Variants in PBX3 observed in about 807,000 individuals in gnomAD.
PBX3 encodes PBX homeobox 3, also known as pre-B-cell leukemia transcription factor 3.
A neutral mutation model predicts 48.5 loss-of-function variants in PBX3; 14 were observed. The ratio of observed to expected loss-of-function variants is 0.29; its 90% CI spans 0.19 to 0.45. The LOEUF is 0.45. Ranked by LOEUF, PBX3 falls within the 20% of genes least tolerant of loss-of-function variation. The pLI, the probability that PBX3 is intolerant of heterozygous loss-of-function variation, is 1.00. For missense variants in PBX3, 386 were observed against 546.7 expected, an observed-to-expected ratio of 0.71 and a Z score of 2.93; for synonymous variants, 210 against 200.3, an observed-to-expected ratio of 1.05 and a Z score of -0.41.
At chr9:125,833,032 G>A (rs1401672531) in intron 2 of PBX3, among the ~76,000 whole-genome samples, 1 of 152,184 alleles carries the variant, frequency 6.6e-6, no homozygotes, top group East Asian at 1.9e-4. Flanking sequence ...CAGCATCTGT[G>A]TAATCTTAAC....
intron 2 of PBX3, among the ~76,000 whole-genome samples, chr9:125,897,928 C>T (rs10819083): frequency 0.61 from 91,830 of 151,628 alleles, 28,910 homozygotes; most frequent in East Asian, 0.76. Context: ...AATTAAGATA[C>T]TAATGCGACT....
At chr9:125,823,863 G>C (rs1173140120) in intron 2 of PBX3, among the ~76,000 whole-genome samples, 1 of 152,166 alleles carries the variant, frequency 6.6e-6, no homozygotes, top group Middle Eastern at 3.4e-3. Flanking sequence ...ATGACTTGAG[G>C]TCAGGAGTTC....
intron 2 of PBX3, among the ~76,000 whole-genome samples, chr9:125,792,205 G>T (rs1837634363): frequency 1.3e-5 from 2 of 152,202 alleles, no homozygotes; most frequent in Non-Finnish European, 2.9e-5. Flanking sequence ...AGGAAGTCAG[G>T]AAAGGCTGCA....
In PBX3 at chr9:125,824,709, C is replaced by CTT. The variant is rs747826192; in HGVS notation, c.274+76099_274+76100dup. Among the ~76,000 whole-genome samples the CTT allele has an allele frequency of 4.9e-4, 68 of 139,912 alleles. 1 individual carries two copies. In the South Asian group the frequency reaches 8.9e-3, roughly 18 times the overall value. The allele number at this position is 139,912 out of a possible 152,430, so 91.8% of individuals were successfully genotyped here. ...GAATTACATTTGATGAATCAGTTGG[C>CTT]TTTTTTTTTTTTTTAAATACTCATT... On this transcript the variant is annotated intron_variant, in intron 2 of 8. Coordinates refer to ENST00000373489, the MANE Select transcript of PBX3 (RefSeq NM_006195.6).
At chr9:125,928,836 T>A (rs575530963) in intron 3 of PBX3, among the ~76,000 whole-genome samples, 54 of 152,264 alleles carry the variant, frequency 3.5e-4, no homozygotes, top group African/African-American at 1.1e-3. Context: ...CCTTGAAGAG[T>A]TGAGCTGCTT....
chr9:125,840,427 A>G (rs1351328552), intron 2 of PBX3, among the ~76,000 whole-genome samples: 1 of 151,022 alleles, frequency 6.6e-6, no homozygotes. Context: ...GTAGTAACAT[A>G]TTTTTTTCTG....
At chr9:125,835,459 G>T (rs1029973490) in intron 2 of PBX3, among the ~76,000 whole-genome samples, 1 of 151,980 alleles carries the variant, frequency 6.6e-6, no homozygotes, top group Non-Finnish European at 1.5e-5. Flanking sequence ...GTATTTGCAA[G>T]CTATTTAATT....
At chr9:125,766,608 A>G (rs985516212) in intron 2 of PBX3, among the ~76,000 whole-genome samples, 1 of 152,130 alleles carries the variant, frequency 6.6e-6, no homozygotes. Context: ...AGTACATTAT[A>G]ATGAAATCTT....
chr9:125,899,279 G>A (rs61548101), intron 2 of PBX3, among the ~76,000 whole-genome samples: 604 of 29,796 alleles, frequency 0.02, 15 homozygotes, highest in East Asian at 0.18. Flanking sequence ...ATATACATAT[G>A]TATATATATT....
chr9:125,794,886 C>T (rs1837731805), intron 2 of PBX3, among the ~76,000 whole-genome samples: 1 of 152,142 alleles, frequency 6.6e-6, no homozygotes, highest in African/African-American at 2.4e-5. Flanking sequence ...GGCTAGGCAA[C>T]CCTTCCATTA....
intron 2 of PBX3, among the ~76,000 whole-genome samples, chr9:125,757,976 T>TGTGTATGAGGTGTGG (rs1836565935): frequency 6.6e-6 from 1 of 152,208 alleles, no homozygotes; most frequent in Non-Finnish European, 1.5e-5. Context: ...TTCTTTTAAC[T>TGTGTATGAGGTGTGG]GTGTATGAGG....
intron 2 of PBX3, among the ~76,000 whole-genome samples, chr9:125,760,899 T>A (rs1836648800): frequency 6.6e-6 from 1 of 152,238 alleles, no homozygotes; most frequent in Non-Finnish European, 1.5e-5. Context: ...ATGTTCTACA[T>A]GTGCAGCTGT....
chr9:125,938,951 CAGA>C (rs1841898365), intron 5 of PBX3, among the ~76,000 whole-genome samples: 1 of 148,894 alleles, frequency 6.7e-6, no homozygotes. Context: ...CTCAGATGTT[CAGA>C]AAAAAAAAAT....
At chr9:125,780,175 C>T (rs1400161616) in intron 2 of PBX3, among the ~76,000 whole-genome samples, 1 of 138,908 alleles carries the variant, frequency 7.2e-6, no homozygotes, top group African/African-American at 2.7e-5. Flanking sequence ...GACGGGGCGG[C>T]TGGCCGGGCG....
chr9:125,791,308 T>TATCTATCC (rs986393277), intron 2 of PBX3, among the ~76,000 whole-genome samples: 2 of 147,930 alleles, frequency 1.4e-5, no homozygotes, highest in Non-Finnish European at 3.0e-5. Context: ...TCTGTCTATC[T>TATCTATCC]ATCTATCTAT....
chr9:125,920,158 G>C (rs1337780344), intron 3 of PBX3, among the ~76,000 whole-genome samples: 1 of 152,170 alleles, frequency 6.6e-6, no homozygotes, highest in South Asian at 2.1e-4. Context: ...GCAGGAATAT[G>C]ATAATTTTCC....
chr9:125,935,430 G>T, intron 4 of PBX3, 42 bp from the exon 5 acceptor site: 1 of 1,602,064 alleles, frequency 6.2e-7, no homozygotes, highest in East Asian at 2.2e-5. Context: ...TTAGGTTAAT[G>T]CTGATTGTAA....
chr9:125,834,013 G>C (rs555771016), intron 2 of PBX3, among the ~76,000 whole-genome samples: 1 of 152,288 alleles, frequency 6.6e-6, no homozygotes, highest in South Asian at 2.1e-4. Flanking sequence ...TCATTAATTG[G>C]ATAAACACTG....
In PBX3 at chr9:125,803,963, A is replaced by G. The variant is rs918032678; in HGVS notation, c.274+55340A>G. Among the ~76,000 whole-genome samples, 13 of 152,306 alleles carry G rather than the reference A, an allele frequency of 8.5e-5. No individual in the cohort carries two copies. In the Middle Eastern group the frequency reaches 0.01, roughly 120 times the overall value. ...CTCTACATGTCGTAAAAGGTGAATAACTGGTGTAAAAGAAGAGCAGGCTTT... is the reference window on the plus strand; with the variant it reads ...CTCTACATGTCGTAAAAGGTGAATAGCTGGTGTAAAAGAAGAGCAGGCTTT... On this transcript the variant is annotated intron_variant, in intron 2 of 8. Transcript: ENST00000373489.
Sources: allele counts gnomAD v4.1 joint callset (sites outside exome capture counted in the v4.1 genomes callset), GRCh38; gene constraint gnomAD v4.1.1; transcripts MANE v1.5; gene names NCBI Gene and HGNC (gene_info 2026-07-23, HGNC 2026-07-21).